The following MCF2L2 variants were observed in gnomAD, a reference collection of about 807,000 sequenced individuals.
MCF2L2 encodes MCF.2 cell line derived transforming sequence-like 2.
A neutral mutation model predicts 150.2 loss-of-function variants in MCF2L2; 102 were observed. The ratio of observed to expected loss-of-function variants is 0.68; its 90% CI spans 0.58 to 0.80. The LOEUF (loss-of-function observed/expected upper bound fraction) is 0.80. MCF2L2 is among the 30% of genes least tolerant of loss of function. The probability of loss-of-function intolerance (pLI) is 0.00; values close to 1 mark genes in which losing one functional copy is unlikely to be tolerated. For synonymous variants in MCF2L2, 465 were observed against 491.3 expected, an observed-to-expected ratio of 0.95 and a Z score of 0.71; for missense variants, 1,256 against 1,372.8, an observed-to-expected ratio of 0.91 and a Z score of 1.34.
chr3:183,226,692 GC>G (rs1467975145), intron 18 of MCF2L2: 1 of 152,146 alleles, frequency 6.6e-6, no homozygotes, highest in African/African-American at 2.4e-5. Flanking sequence ...CAGGAACTTT[GC>G]CCATTTCTCA....
Position 183,208,832 on chromosome 3 carries a change from T to C in MCF2L2, c.2497-1009A>G, listed in dbSNP as rs149039661. On this transcript the variant is annotated intron_variant, in intron 22 of 29. Coordinates refer to ENST00000328913, the MANE Select transcript of MCF2L2 (RefSeq NM_015078.4). Reference sequence around the variant, plus strand: ...GCATTTTTATAATTTATTGTTTATATGTTGGGCAAACTCTAGGTATCTTTT... The same window carrying C: ...GCATTTTTATAATTTATTGTTTATACGTTGGGCAAACTCTAGGTATCTTTT... 2.4e-3 allele frequency among the ~76,000 whole-genome samples: 364 copies of C among 152,358 alleles called. 2 individuals carry two copies. Among genetic ancestry groups the C allele is most frequent in the African/African-American group, 8.5e-3 (353 of 41,594 alleles).
At chr3:183,395,372 A>C (rs1374939964) in intron 1 of MCF2L2, among the ~76,000 whole-genome samples, 1 of 152,220 alleles carries the variant, frequency 6.6e-6, no homozygotes, top group Non-Finnish European at 1.5e-5. Flanking sequence ...CAAGCGTGTG[A>C]TATGTTTATG....
At chr3:183,276,831 G>T in intron 15 of MCF2L2, 41 bp downstream of exon 15, 1 of 1,444,726 alleles carries the variant, frequency 6.9e-7, no homozygotes, top group Non-Finnish European at 9.6e-7. Flanking sequence ...CCCATGCCCC[G>T]CACCCCCTCG....
At chr3:183,401,682 T>C (rs1224117977) in intron 1 of MCF2L2, among the ~76,000 whole-genome samples, 1 of 152,254 alleles carries the variant, frequency 6.6e-6, no homozygotes, top group Non-Finnish European at 1.5e-5. Flanking sequence ...CATATGGTGT[T>C]AATAATACAG....
Position 183,253,063 on chromosome 3 carries a change from G to A in MCF2L2, c.1863-22046C>T, listed in dbSNP as rs181929017. On this transcript the variant is annotated intron_variant, in intron 15 of 29. Coordinates refer to ENST00000328913, the MANE Select transcript of MCF2L2 (RefSeq NM_015078.4). ...AAGTGATCGCAATTAACTGACGAGC[G>A]GCAGGGAAACACTTCCTGGAATTCT... 4.5e-4 allele frequency among the ~76,000 whole-genome samples: 68 copies of A among 152,324 alleles called. No homozygotes were observed. In the East Asian group the frequency reaches 0.011, roughly 25 times the overall value.
rs1722464558 is a variant in MCF2L2 at position 183,206,180 on chromosome 3, C to T, written c.2747G>A (p.Gly916Glu). ...GGCAATCTCAAACTTTCTATGGCTCCCCCTTCCAAGCTGGCGAATTGAAAG... is the reference window on the plus strand; with the variant it reads ...GGCAATCTCAAACTTTCTATGGCTCTCCCTTCCAAGCTGGCGAATTGAAAG... ...MTLSIRQLGR[G>E]SHRKFEIASR... Residue 916 changes from glycine to glutamate, a missense_variant, in exon 24 of 30, where the codon GGG becomes GAG. Gly to Glu is a moderately conservative substitution (Grantham distance 98, BLOSUM62 -2). Transcript: ENST00000328913. 2 of 1,614,086 alleles carry T rather than the reference C, an allele frequency of 1.2e-6. No individual in the cohort carries two copies. The highest frequency in any genetic ancestry group is 2.2e-5 in the East Asian group (1 of 44,874).
intron 15 of MCF2L2, chr3:183,269,546 G>A (rs1418491103): frequency 9.9e-6 from 4 of 405,000 alleles, no homozygotes; most frequent in South Asian, 4.0e-5. Flanking sequence ...CGCCCACCAC[G>A]CTTCCTGAAG....
intron 15 of MCF2L2, among the ~76,000 whole-genome samples, chr3:183,247,290 GGCCT>G (rs1724301749): frequency 6.6e-6 from 1 of 152,142 alleles, no homozygotes; most frequent in Non-Finnish European, 1.5e-5. Flanking sequence ...TAAGAGACAG[GGCCT>G]GTACAGCAAG....
intron 22 of MCF2L2, among the ~76,000 whole-genome samples, chr3:183,214,280 AAAG>A (rs564833918): frequency 7.9e-5 from 12 of 152,194 alleles, no homozygotes; most frequent in Non-Finnish European, 1.2e-4. Flanking sequence ...TCAGGCGAAG[AAAG>A]AAGAATTATT....
chr3:183,213,035 A>C (rs1722793308), intron 22 of MCF2L2, among the ~76,000 whole-genome samples: 1 of 152,046 alleles, frequency 6.6e-6, no homozygotes, highest in Admixed American at 6.6e-5. Flanking sequence ...CTATCTCTGC[A>C]GCTAACACTG....
chr3:183,268,551 G>A (rs1435134505), intron 15 of MCF2L2, among the ~76,000 whole-genome samples: 1 of 152,114 alleles, frequency 6.6e-6, no homozygotes, highest in Non-Finnish European at 1.5e-5. Context: ...TGAAAGAAGT[G>A]CAGTTAGGCA....
chr3:183,277,885 T>C lies in MCF2L2; in HGVS notation c.1777-928A>G, dbSNP rs561075286. Among the ~76,000 whole-genome samples, 14 of 151,666 alleles carry C rather than the reference T, an allele frequency of 9.2e-5. No individual in the cohort carries two copies. In the South Asian group the frequency reaches 1.5e-3, roughly 16 times the overall value. Reference sequence around the variant, plus strand: ...TAGGGACCAGATAATATTTTTCATGTGTCAATATATAAAAGTTGGCCAGGT... The same window carrying C: ...TAGGGACCAGATAATATTTTTCATGCGTCAATATATAAAAGTTGGCCAGGT... On this transcript the variant is annotated intron_variant, in intron 14 of 29. Coordinates refer to ENST00000328913, the MANE Select transcript of MCF2L2 (RefSeq NM_015078.4).
At chr3:183,291,529 T>C (rs1285885337) in intron 13 of MCF2L2, among the ~76,000 whole-genome samples, 2 of 152,252 alleles carry the variant, frequency 1.3e-5, no homozygotes, top group Non-Finnish European at 2.9e-5. Context: ...GTGTTAGAAG[T>C]TGTAGCCAAG....
chr3:183,280,859 AAAAC>A lies in MCF2L2; in HGVS notation c.1777-3906_1777-3903del, dbSNP rs1211502843. 2.6e-4 allele frequency among the ~76,000 whole-genome samples: 40 copies of A among 151,688 alleles called. No homozygotes were observed. The East Asian group carries it at 3.5e-3, about 13-fold the overall frequency. On this transcript the variant is annotated intron_variant, in intron 14 of 29. Coordinates refer to ENST00000328913, the MANE Select transcript of MCF2L2 (RefSeq NM_015078.4). ...TGAGTCTCTGTCAAAAAAAAAAAAA[AAAAC>A]AAACAAGCAAACAAACAAACAAAAA...
chr3:183,390,267 T>G (rs369252327), intron 1 of MCF2L2, among the ~76,000 whole-genome samples: 4 of 152,198 alleles, frequency 2.6e-5, no homozygotes, highest in African/African-American at 9.6e-5. Context: ...CCTCCCCTAC[T>G]TATCTCCATT....
intron 7 of MCF2L2, among the ~76,000 whole-genome samples, chr3:183,315,186 G>A (rs1465022014): frequency 6.6e-6 from 1 of 151,404 alleles, no homozygotes; most frequent in Admixed American, 6.6e-5. Context: ...ATCCACCCCC[G>A]CCTCGGCCTC....
chr3:183,306,336 AAAAG>A (rs1215173395), intron 10 of MCF2L2, among the ~76,000 whole-genome samples: 1 of 152,180 alleles, frequency 6.6e-6, no homozygotes, highest in African/African-American at 2.4e-5. Flanking sequence ...TCCAAAGTAA[AAAAG>A]AAAGAGTGAG....
chr3:183,369,344 A>T (rs1041055225), intron 3 of MCF2L2, among the ~76,000 whole-genome samples: 1 of 152,104 alleles, frequency 6.6e-6, no homozygotes, highest in Non-Finnish European at 1.5e-5. Flanking sequence ...TTTTTGCCTG[A>T]TAAGAGGCCA....
At chr3:183,277,932 C>T (rs890538339) in intron 14 of MCF2L2, among the ~76,000 whole-genome samples, 6 of 149,718 alleles carry the variant, frequency 4.0e-5, no homozygotes, top group African/African-American at 1.5e-4. Context: ...TGCCTGTAAT[C>T]CCAGCACTTT....
Sources: gnomAD v4.1 joint callset for allele counts (sites outside exome capture counted in the v4.1 genomes callset) on GRCh38, gnomAD v4.1.1 for gene constraint, MANE v1.5 for transcripts, NCBI Gene and HGNC (gene_info 2026-07-23, HGNC 2026-07-21) for gene names.